Variants in PACRGL observed in about 807,000 individuals in gnomAD.
The protein encoded by PACRGL is PACRG-like protein.
Under a neutral mutation model 34.5 loss-of-function variants are expected in PACRGL, and 38 were observed. The observed-to-expected ratio is 1.10, with a 90% CI of 0.85 to 1.44. PACRGL has a LOEUF of 1.44. PACRGL is among the 40% of genes most tolerant of loss of function. The probability of loss-of-function intolerance (pLI) is 0.00; values close to 1 mark genes in which losing one functional copy is unlikely to be tolerated. For missense variants in PACRGL, 305 were observed against 281.4 expected (o/e 1.08, Z -0.60); for synonymous variants, 128 against 100.1 (o/e 1.28, Z -1.66).
Position 20,709,774 on chromosome 4 carries a change from G to A in PACRGL, c.366+1G>A. The stretch of plus-strand genomic sequence containing the variant: ...TCCACTTCTTATTACTTTAGCTGAG[G>A]TAAATATGCCATCTCTTGAATATTT... On this transcript the variant is annotated splice_donor_variant, in intron 5 of 8. Coordinates refer to ENST00000503585, the MANE Select transcript of PACRGL (RefSeq NM_001258345.3). LOFTEE classifies it high-confidence loss of function. The A allele has an allele frequency of 6.3e-7, 1 of 1,577,730 alleles. No individual in the cohort carries two copies. Among genetic ancestry groups the A allele is most frequent in the East Asian group, 2.2e-5 (1 of 44,520 alleles).
chr4:20,748,145 C>G (rs1355825833), intron 8 of PACRGL, among the ~76,000 whole-genome samples: 1 of 152,146 alleles, frequency 6.6e-6, no homozygotes, highest in Non-Finnish European at 1.5e-5. Context: ...AAAGGCTCCT[C>G]ATCTCCTACA....
At chr4:20,727,091 A>G (rs1471974254) in intron 8 of PACRGL, among the ~76,000 whole-genome samples, 194 bp from the exon 9 acceptor site, 2 of 152,194 alleles carry the variant, frequency 1.3e-5, no homozygotes, top group Non-Finnish European at 2.9e-5. Context: ...CTCTAGTTAG[A>G]TACTTCAAAA....
At chr4:20,741,660 G>C (rs368077076) in intron 8 of PACRGL, among the ~76,000 whole-genome samples, 8 of 152,058 alleles carry the variant, frequency 5.3e-5, no homozygotes, top group Admixed American at 5.2e-4. Flanking sequence ...ATTAAAAGAA[G>C]TAGAGAAGCA....
chr4:20,730,240 C>T lies in PACRGL; in HGVS notation c.*2899C>T. ...CATCAACCACCTCAACCACCTATGC[C>T]AAAAGCTCAAATATTAAGTGTTTGC... On this transcript the variant is annotated 3_prime_UTR_variant, in exon 9 of 9. Transcript: ENST00000503585. 2.3e-6 allele frequency: 3 copies of T among 1,299,622 alleles called. No individual in the cohort carries two copies. The highest frequency in any genetic ancestry group is 3.1e-6 in the Non-Finnish European group (3 of 970,420). The allele number at this position is 1,299,622 out of a possible 1,614,324, so 80.5% of individuals were successfully genotyped here.
At chr4:20,739,045 C>T (rs373459400) in intron 8 of PACRGL, among the ~76,000 whole-genome samples, 11 of 152,272 alleles carry the variant, frequency 7.2e-5, no homozygotes, top group African/African-American at 2.2e-4. Flanking sequence ...GAGGGAGGGG[C>T]GTCCACCATT....
At chr4:20,704,203 G>GT (rs994457016) in intron 1 of PACRGL, among the ~76,000 whole-genome samples, 6 of 152,140 alleles carry the variant, frequency 3.9e-5, no homozygotes, top group Admixed American at 2.0e-4. Context: ...GTTTCTAACA[G>GT]TTTATTTTGA....
chr4:20,712,715 T>G, intron 5 of PACRGL, 73 bp from the exon 6 acceptor site: 1 of 1,284,510 alleles, frequency 7.8e-7, no homozygotes, highest in Admixed American at 3.0e-5. Context: ...TTTAAGCAAG[T>G]AAAGACTCAA....
At position 20,730,196 on chromosome 4, in the gene PACRGL, C is replaced by T; in HGVS notation, c.*2855C>T. 1 of 1,517,364 alleles carries T rather than the reference C, an allele frequency of 6.6e-7. No homozygotes were observed. The highest frequency in any genetic ancestry group is 8.8e-7 in the Non-Finnish European group (1 of 1,131,102). 94.0% of individuals were successfully genotyped at this position (1,517,364 alleles called of 1,614,324 possible). On this transcript the variant is annotated 3_prime_UTR_variant, in exon 9 of 9. Transcript: ENST00000503585. Reference sequence around the variant, plus strand: ...GCAAGGAAAAGTACACTATTTTGCCCCTGAGTATTGCCTCCTCCCATCAAC... The same window carrying T: ...GCAAGGAAAAGTACACTATTTTGCCTCTGAGTATTGCCTCCTCCCATCAAC...
Position 20,741,963 on chromosome 4 carries a change from A to G in PACRGL, c.*57-10602A>G, listed in dbSNP as rs530752310. Among the ~76,000 whole-genome samples the G allele has an allele frequency of 3.3e-5, 5 of 152,338 alleles. No individual in the cohort carries two copies. The East Asian group carries it at 9.6e-4, about 29-fold the overall frequency. On this transcript the variant is annotated intron_variant, in intron 8 of 8. Coordinates refer to the PACRGL transcript ENST00000507634. ...ACACCTCTATGCGAATAAACTAGAAAATCTAGAAGAATGGATAAATTCCTG... is the reference window on the plus strand; with the variant it reads ...ACACCTCTATGCGAATAAACTAGAAGATCTAGAAGAATGGATAAATTCCTG...
chr4:20,713,609 T>A, intron 7 of PACRGL, 70 bp downstream of exon 7: 2 of 1,313,818 alleles, frequency 1.5e-6, no homozygotes, highest in Non-Finnish European at 2.2e-6. Context: ...CTTCATGATT[T>A]AACAATTTCA....
rs1747363328 is a variant in PACRGL at position 20,729,600 on chromosome 4, T to TAA, written c.*2261_*2262dup. 6.7e-6 allele frequency: 1 copy of TAA among 149,670 alleles called. No individual in the cohort carries two copies. The highest frequency in any genetic ancestry group is 1.5e-5 in the Non-Finnish European group (1 of 67,640). The allele number at this position is 149,670 out of a possible 1,614,324, so 9.3% of individuals were successfully genotyped here. A position where few individuals can be genotyped will look rare whatever the true frequency, so the allele number is the denominator to read the frequency against. ...TTTAATTGTTGTAATCTTGTTTCCT[T>TAA]AAAGTATATAAATGGAATTTAAATG... is the stretch of plus-strand genomic sequence containing the variant. On this transcript the variant is annotated 3_prime_UTR_variant, in exon 9 of 9. Coordinates refer to ENST00000503585, the MANE Select transcript of PACRGL (RefSeq NM_001258345.3).
At chr4:20,706,597 G>T (rs1370282147) in intron 3 of PACRGL, among the ~76,000 whole-genome samples, 1 of 148,672 alleles carries the variant, frequency 6.7e-6, no homozygotes. Context: ...TTTTTTTTGA[G>T]ACGGAATCTC....
At chr4:20,734,238 A>G (rs1468788846), downstream of PACRGL, among the ~76,000 whole-genome samples, 1 of 152,214 alleles carries the variant, frequency 6.6e-6, no homozygotes, top group East Asian at 1.9e-4. Flanking sequence ...GCGTCAGGTC[A>G]TTCCACAATC....
intron 8 of PACRGL, among the ~76,000 whole-genome samples, chr4:20,741,620 A>G (rs1751127825): frequency 6.6e-6 from 1 of 152,242 alleles, no homozygotes; most frequent in Non-Finnish European, 1.5e-5. Flanking sequence ...GAAAGCAGGA[A>G]AGATCTAAAA....
At chr4:20,758,912 C>T in the PACRGL span, 2 of 1,600,210 alleles carry the variant, frequency 1.2e-6, no homozygotes, top group Non-Finnish European at 1.7e-6. Flanking sequence ...GGCAGAGAAG[C>T]AATATGAGCA....
At position 20,731,737 on chromosome 4, in the gene PACRGL, C is replaced by A; in HGVS notation, c.*4396C>A. The A allele has an allele frequency of 1.0e-6, 1 of 985,332 alleles. No individual in the cohort carries two copies. The highest frequency in any genetic ancestry group is 1.7e-5 in the African/African-American group (1 of 57,338). 61.0% of individuals were successfully genotyped at this position (985,332 alleles called of 1,614,324 possible). On this transcript the variant is annotated 3_prime_UTR_variant, in exon 9 of 9. Transcript: ENST00000503585. The stretch of plus-strand genomic sequence containing the variant: ...GTATGTTTTATCCTCCATGAATACT[C>A]TCTAAGGAATTTGGGAATCAACACA...
chr4:20,764,201 A>G, the PACRGL span, among the ~76,000 whole-genome samples: 1 of 152,198 alleles, frequency 6.6e-6, no homozygotes, highest in South Asian at 2.1e-4. Context: ...AAAAAATTAA[A>G]GAAAATGAAA....
chr4:20,713,513 G>A lies in PACRGL; in HGVS notation c.583G>A (p.Asp195Asn), dbSNP rs576654808. The A allele has an allele frequency of 1.4e-5, 22 of 1,612,924 alleles. No individual in the cohort carries two copies. In the South Asian group the frequency reaches 2.0e-4, roughly 14 times the overall value. Residue 195 changes from aspartate (D) to asparagine (N), a missense_variant, in exon 7 of 9, where the codon GAC becomes AAC. Asp to Asn is a conservative substitution (Grantham distance 23). Coordinates refer to ENST00000503585, the MANE Select transcript of PACRGL (RefSeq NM_001258345.3). ...LSVVVGPSLN[D>N]HLKHLLTSLS... is the part of the protein sequence containing the mutation. ...TGTCGTTGTTGGTCCTTCTCTAAAC[G>A]ACCATCTGAAGCATCTGCTTACAAG... is the stretch of plus-strand genomic sequence containing the variant.
intron 8 of PACRGL, among the ~76,000 whole-genome samples, chr4:20,743,658 A>G (rs1751714112): frequency 6.6e-6 from 1 of 152,206 alleles, no homozygotes; most frequent in Non-Finnish European, 1.5e-5. Context: ...ACCTAAAACC[A>G]TAAAAACCCT....
Sources: gnomAD v4.1 joint callset for allele counts (sites outside exome capture counted in the v4.1 genomes callset) on GRCh38, gnomAD v4.1.1 for gene constraint, MANE v1.5 for transcripts, NCBI Gene and HGNC (gene_info 2026-07-23, HGNC 2026-07-21) for gene names.